Variants in ABR observed in about 807,000 individuals in gnomAD.
ABR encodes the protein active breakpoint cluster region-related protein.
In ABR, 35 loss-of-function variants were observed where a neutral mutation model predicts 107.2. That is an observed-to-expected ratio of 0.33 (90% CI 0.25 to 0.43). The LOEUF (loss-of-function observed/expected upper bound fraction) is 0.43. ABR is among the 20% of genes least tolerant of loss of function. The pLI, the probability that ABR is intolerant of heterozygous loss-of-function variation, is 1.00. For synonymous variants in ABR, 498 were observed against 462.0 expected (o/e 1.08, Z -1.00); for missense variants, 815 against 1,115.2 (o/e 0.73, Z 3.83).
chr17:1,196,717 C>T (rs1334707784), intron 1 of ABR, among the ~76,000 whole-genome samples: 8 of 145,564 alleles, frequency 5.5e-5, no homozygotes, highest in African/African-American at 1.0e-4. Flanking sequence ...TTTTTTGAGA[C>T]GGAGTCTTGC....
At chr17:1,021,766 T>C (rs2663351) in intron 16 of ABR, among the ~76,000 whole-genome samples, 73,276 of 149,472 alleles carry the variant, frequency 0.49, 19,604 homozygotes, top group African/African-American at 0.7. Context: ...GTTGAGATTG[T>C]GCCACTGCAC....
At chr17:1,172,211 C>T (rs1278689641) in intron 1 of ABR, among the ~76,000 whole-genome samples, 1 of 152,246 alleles carries the variant, frequency 6.6e-6, no homozygotes, top group African/African-American at 2.4e-5. Context: ...TGGCCACGGC[C>T]TCAGATGGTC....
chr17:1,197,618 C>T (rs2042594711), intron 1 of ABR, among the ~76,000 whole-genome samples: 1 of 151,650 alleles, frequency 6.6e-6, no homozygotes, highest in South Asian at 2.1e-4. Context: ...TCTTTCCTCC[C>T]AAAAGCCACA....
At chr17:1,083,441 G>C (rs2036394936) in intron 5 of ABR, 79 bp downstream of exon 5, 1 of 992,598 alleles carries the variant, frequency 1.0e-6, no homozygotes, top group East Asian at 2.5e-5. Flanking sequence ...ACTGGCAAGC[G>C]AGGGAGGGGA....
intron 7 of ABR, among the ~76,000 whole-genome samples, chr17:1,073,179 CAAAAAAAAAA>C (rs35495689): frequency 3.4e-4 from 18 of 53,204 alleles, no homozygotes; most frequent in South Asian, 6.9e-4. Context: ...GACTCCGCCT[CAAAAAAAAAA>C]AAAAAAAAAA....
At chr17:1,029,467 C>T (rs936086909) in intron 16 of ABR, among the ~76,000 whole-genome samples, 6 of 152,168 alleles carry the variant, frequency 3.9e-5, no homozygotes, top group Admixed American at 1.3e-4. Context: ...TCACGCCCCG[C>T]CTCCAGCCTT....
rs1379219617 is a variant in ABR, at chr17:1,050,239, C to T, written c.1660-58G>A. 14 of 1,571,576 alleles carry T rather than the reference C, an allele frequency of 8.9e-6. No individual in the cohort carries two copies. The highest frequency in any genetic ancestry group is 1.4e-5 in the African/African-American group (1 of 73,860). The stretch of plus-strand genomic sequence containing the variant: ...TCCGAAGCTGGGAGGCCTGGCTTTC[C>T]GGCAGGTGCGTGCCTCAGCTTTGCA... On this transcript the variant is annotated intron_variant, in intron 15 of 22. Transcript: ENST00000302538. The surrounding 1 kb of genome is among the most constrained non-coding windows in gnomAD (Gnocchi z 4.6).
chr17:1,125,504 C>G (rs1370069098), intron 1 of ABR, 137 bp from the exon 2 acceptor site: 1 of 869,794 alleles, frequency 1.1e-6, no homozygotes, highest in Non-Finnish European at 1.7e-6. Flanking sequence ...CGGGCGGGGG[C>G]TGTGCGGGGG....
chr17:1,132,376 A>C (rs1231316086), intron 1 of ABR, among the ~76,000 whole-genome samples: 15 of 88,278 alleles, frequency 1.7e-4, no homozygotes, highest in South Asian at 8.2e-4. Flanking sequence ...TACCGAAAGC[A>C]CTTTTTTTTT....
At chr17:1,204,399 TGC>T (rs767951764) in intron 1 of ABR, among the ~76,000 whole-genome samples, 110 of 152,256 alleles carry the variant, frequency 7.2e-4, no homozygotes, top group Middle Eastern at 3.4e-3. Flanking sequence ...GAGCCGAGAT[TGC>T]GCCACTGCGC....
chr17:1,053,754 G>T (rs953291559), intron 14 of ABR, among the ~76,000 whole-genome samples: 3 of 152,150 alleles, frequency 2.0e-5, no homozygotes, highest in Non-Finnish European at 2.9e-5. Flanking sequence ...CCCAGGCTGG[G>T]AGGCCACGGG....
intron 2 of ABR, among the ~76,000 whole-genome samples, chr17:1,119,394 A>C (rs1429500958): frequency 9.8e-6 from 1 of 102,202 alleles, no homozygotes; most frequent in African/African-American, 4.1e-5. Context: ...GTTATCCCTG[A>C]GCCTGAGTTC....
At chr17:1,228,215 G>A (rs1165164069) in intron 1 of ABR, 1 of 152,412 alleles carries the variant, frequency 6.6e-6, no homozygotes. Flanking sequence ...CGCCTTCTAA[G>A]AAGAAAACGA....
chr17:1,196,771 C>T (rs62088677), intron 1 of ABR, among the ~76,000 whole-genome samples: 46,559 of 150,770 alleles, frequency 0.31, 8,096 homozygotes, highest in East Asian at 0.61. Context: ...CCTGGCTCAC[C>T]GCAAGCTCCG....
rs112222393 is a variant in ABR, at chr17:1,179,283, G to A, written c.61+384C>T. 0.37 allele frequency among the ~76,000 whole-genome samples: 56,084 copies of A among 151,844 alleles called. 11,336 individuals are homozygous for A. Among genetic ancestry groups the A allele is most frequent in the Non-Finnish European group, 0.45 (30,499 of 67,868 alleles). ...CTTCAGCCTGGACAGAGAAGCTGCCGGTCCAGGGGCGGGGGCAGCACCCAG... is the reference window on the plus strand; with the variant it reads ...CTTCAGCCTGGACAGAGAAGCTGCCAGTCCAGGGGCGGGGGCAGCACCCAG... On this transcript the variant is annotated intron_variant, in intron 1 of 22. Coordinates refer to ENST00000302538, the MANE Select transcript of ABR (RefSeq NM_021962.5). The surrounding 1 kb of genome is among the most constrained non-coding windows in gnomAD (Gnocchi z 4.9).
chr17:1,220,340 C>T (rs756081017), intron 1 of ABR, among the ~76,000 whole-genome samples: 2 of 151,964 alleles, frequency 1.3e-5, no homozygotes, highest in African/African-American at 2.4e-5. Context: ...TTGAAAAACG[C>T]GACGTGAGGT....
chr17:1,185,664 A>T (rs113036116), intron 1 of ABR, among the ~76,000 whole-genome samples: 42 of 134,800 alleles, frequency 3.1e-4, no homozygotes, highest in African/African-American at 9.6e-4. Flanking sequence ...TAAAAAAAAA[A>T]AAAAAAAAAA....
At position 1,009,796 on chromosome 17, in the gene ABR, A is replaced by G. The variant is rs747215900; in HGVS notation, c.2237-12T>C. 32 of 1,611,844 alleles carry G rather than the reference A, an allele frequency of 2.0e-5. No homozygotes were observed. Among genetic ancestry groups the G allele is most frequent in the Non-Finnish European group, 2.6e-5 (31 of 1,178,336 alleles). ...AGGGTCTGACAGGGCTGTGGGAGAG[A>G]AGGGCCAGTGTGGCGTTTGGCTCCT... On this transcript the variant is annotated splice_polypyrimidine_tract_variant and intron_variant, in intron 20 of 22. Transcript: ENST00000302538.
At chr17:1,059,725 C>A (rs962636491) in intron 10 of ABR, among the ~76,000 whole-genome samples, 8 of 152,218 alleles carry the variant, frequency 5.3e-5, no homozygotes, top group African/African-American at 1.9e-4. Flanking sequence ...TATTAACCAC[C>A]ATTATGCTTC....
Sources: gnomAD v4.1 joint callset for allele counts (sites outside exome capture counted in the v4.1 genomes callset) on GRCh38, gnomAD v4.1.1 for gene constraint, Gnocchi (gnomAD v3.1) non-coding constraint, MANE v1.5 for transcripts, NCBI Gene and HGNC (gene_info 2026-07-23, HGNC 2026-07-21) for gene names.